Variants in MDGA2 observed in about 807,000 individuals in gnomAD.
The protein encoded by MDGA2 is MAM domain containing glycosylphosphatidylinositol anchor 2.
A neutral mutation model predicts 117.8 loss-of-function variants in MDGA2; 40 were observed. The ratio of observed to expected loss-of-function variants is 0.34; its 90% CI spans 0.26 to 0.44. MDGA2 has a LOEUF of 0.44. MDGA2 is among the 20% of genes least tolerant of loss of function. The pLI is 1.00. For missense variants in MDGA2, 1,123 were observed against 1,250.6 expected, an observed-to-expected ratio of 0.90 and a Z score of 1.54; for synonymous variants, 452 against 439.0, an observed-to-expected ratio of 1.03 and a Z score of -0.37.
chr14:47,296,749 A>C (rs1889088034), intron 2 of MDGA2, among the ~76,000 whole-genome samples: 1 of 152,252 alleles, frequency 6.6e-6, no homozygotes, highest in South Asian at 2.1e-4. Flanking sequence ...AAAGATGTAC[A>C]TACAGGCAAC....
intron 1 of MDGA2, among the ~76,000 whole-genome samples, chr14:47,320,515 C>A (rs1003759165): frequency 2.6e-5 from 4 of 152,048 alleles, no homozygotes; most frequent in African/African-American, 7.2e-5. Context: ...CCTATCCTTC[C>A]TTCCTTCATG....
At chr14:47,396,807 A>G (rs1021300067) in intron 1 of MDGA2, among the ~76,000 whole-genome samples, 1 of 152,222 alleles carries the variant, frequency 6.6e-6, no homozygotes, top group Non-Finnish European at 1.5e-5. Context: ...GCCGGTTAGA[A>G]TGGCGATCCT....
intron 3 of MDGA2, among the ~76,000 whole-genome samples, chr14:47,187,138 T>C (rs1257114381): frequency 1.3e-5 from 2 of 151,818 alleles, no homozygotes; most frequent in Non-Finnish European, 2.9e-5. Flanking sequence ...CAACTACATC[T>C]ATCAATTCTC....
At chr14:47,084,731 CAG>C (rs1314609361) in intron 6 of MDGA2, among the ~76,000 whole-genome samples, 1 of 152,086 alleles carries the variant, frequency 6.6e-6, no homozygotes, top group Admixed American at 6.6e-5. Flanking sequence ...ATAAGAGTTA[CAG>C]AGAGAGCTGG....
chr14:47,338,081 C>G (rs1890514071), intron 1 of MDGA2, among the ~76,000 whole-genome samples: 1 of 151,846 alleles, frequency 6.6e-6, no homozygotes, highest in South Asian at 2.1e-4. Flanking sequence ...TAAAAATAAT[C>G]TGTATGTTTA....
intron 2 of MDGA2, among the ~76,000 whole-genome samples, chr14:47,254,640 A>G (rs1353901576): frequency 6.6e-6 from 1 of 152,058 alleles, no homozygotes; most frequent in South Asian, 2.1e-4. Flanking sequence ...GGAAGTTCCA[A>G]TCTTTCCCAC....
intron 1 of MDGA2, among the ~76,000 whole-genome samples, chr14:47,428,080 A>G (rs1892726950): frequency 6.6e-6 from 1 of 152,126 alleles, no homozygotes; most frequent in South Asian, 2.1e-4. Flanking sequence ...GTTCACAAGG[A>G]AACTTTCCTA....
chr14:47,522,765 C>T (rs533264442), intron 1 of MDGA2, among the ~76,000 whole-genome samples: 3 of 152,284 alleles, frequency 2.0e-5, no homozygotes, highest in East Asian at 3.9e-4. Flanking sequence ...TATTCTCATA[C>T]AGTACTTCCA....
chr14:46,982,394 T>A (rs1485288689), intron 8 of MDGA2, among the ~76,000 whole-genome samples: 1 of 152,062 alleles, frequency 6.6e-6, no homozygotes, highest in East Asian at 1.9e-4. Flanking sequence ...TATATTGGTA[T>A]AACCAAAAAT....
intron 1 of MDGA2, among the ~76,000 whole-genome samples, chr14:47,421,565 C>T (rs1431841893): frequency 2.0e-5 from 3 of 152,060 alleles, no homozygotes; most frequent in Non-Finnish European, 2.9e-5. Flanking sequence ...CAAAAAAGTA[C>T]AACCATACTG....
chr14:47,474,449 A>T (rs1335079013), intron 1 of MDGA2, among the ~76,000 whole-genome samples: 3 of 151,978 alleles, frequency 2.0e-5, no homozygotes, highest in Non-Finnish European at 4.4e-5. Flanking sequence ...TTAAACTACC[A>T]CTGACATTCT....
rs373714284 is a variant in MDGA2, at chr14:47,096,826, C to T, written c.1195+28G>A. 104 of 1,607,700 alleles carry T rather than the reference C, an allele frequency of 6.5e-5. No homozygotes were observed. In the African/African-American group the frequency reaches 6.8e-4, roughly 11 times the overall value. ...TTTGAGAGCCTAACCTAGGAATCTA[C>T]GTTGTAACATTCTTTCAGCAAACTT... On this transcript the variant is annotated intron_variant, in intron 6 of 16. Transcript: ENST00000399232.
At chr14:47,182,564 C>T (rs1404805073) in intron 3 of MDGA2, among the ~76,000 whole-genome samples, 1 of 152,162 alleles carries the variant, frequency 6.6e-6, no homozygotes, top group Non-Finnish European at 1.5e-5. Context: ...ACAGGGCAGA[C>T]ACTTTAACCT....
At chr14:47,261,789 T>C (rs1487142296) in intron 2 of MDGA2, among the ~76,000 whole-genome samples, 4 of 152,174 alleles carry the variant, frequency 2.6e-5, no homozygotes, top group African/African-American at 9.7e-5. Flanking sequence ...CCTTGTCTTA[T>C]GAGCCCACCT....
At chr14:47,115,932 G>C (rs909491326) in intron 5 of MDGA2, among the ~76,000 whole-genome samples, 9 of 152,034 alleles carry the variant, frequency 5.9e-5, no homozygotes, top group African/African-American at 2.2e-4. Flanking sequence ...GTCCCAGCCA[G>C]AGTAATTCGG....
chr14:47,665,065 G>A (rs956046717), intron 1 of MDGA2, among the ~76,000 whole-genome samples: 8 of 152,020 alleles, frequency 5.3e-5, no homozygotes, highest in African/African-American at 1.9e-4. Flanking sequence ...AATTGCTGAG[G>A]CTTTATTACA....
At chr14:47,401,349 T>G (rs1161155649) in intron 1 of MDGA2, among the ~76,000 whole-genome samples, 2 of 152,096 alleles carry the variant, frequency 1.3e-5, no homozygotes, top group Non-Finnish European at 2.9e-5. Flanking sequence ...CTTTGAAAGC[T>G]TAGAATGCCT....
intron 1 of MDGA2, among the ~76,000 whole-genome samples, chr14:47,324,061 C>T (rs536880177): frequency 6.6e-6 from 1 of 151,778 alleles, no homozygotes; most frequent in East Asian, 2.0e-4. Context: ...CTGGCTAACA[C>T]AGTGAAACCC....
intron 7 of MDGA2, chr14:47,059,268 G>T: frequency 8.3e-7 from 1 of 1,201,728 alleles, no homozygotes; most frequent in Non-Finnish European, 1.1e-6. Flanking sequence ...CTCAGACTTT[G>T]TAGAGCTTCC....
Sources: allele counts gnomAD v4.1 joint callset (sites outside exome capture counted in the v4.1 genomes callset), GRCh38; gene constraint gnomAD v4.1.1; transcripts MANE v1.5; gene names NCBI Gene and HGNC (gene_info 2026-07-23, HGNC 2026-07-21).